Variants in DAB1 observed in about 807,000 individuals in gnomAD.
The protein encoded by DAB1 is DAB adaptor protein 1.
In DAB1, 15 loss-of-function variants were observed where a neutral mutation model predicts 64.6. The observed-to-expected ratio is 0.23, with a 90% CI of 0.16 to 0.36. The LOEUF (loss-of-function observed/expected upper bound fraction) is 0.36. Among genes scored for constraint, DAB1 ranks in the 10% least tolerant of loss-of-function variants. The probability of loss-of-function intolerance (pLI) is 1.00; values close to 1 mark genes in which losing one functional copy is unlikely to be tolerated. For missense variants in DAB1, 596 were observed against 706.7 expected (o/e 0.84, Z 1.78); for synonymous variants, 235 against 251.9 (o/e 0.93, Z 0.64).
intron 7 of DAB1, among the ~76,000 whole-genome samples, chr1:57,498,680 A>C (rs1644256493): frequency 6.6e-6 from 1 of 152,202 alleles, no homozygotes; most frequent in East Asian, 1.9e-4. Flanking sequence ...CACGATTTGT[A>C]ATGAGGATAG....
intron 7 of DAB1, among the ~76,000 whole-genome samples, chr1:57,488,879 G>T (rs1179089551): frequency 6.6e-6 from 1 of 152,086 alleles, no homozygotes; most frequent in Non-Finnish European, 1.5e-5. Context: ...AAGTGTAAAG[G>T]TAAGAAATAT....
chr1:58,332,464 G>A (rs920859804), intron 4 of DAB1, among the ~76,000 whole-genome samples: 2 of 152,034 alleles, frequency 1.3e-5, no homozygotes, highest in Non-Finnish European at 2.9e-5. Flanking sequence ...ACAATTTTTG[G>A]GGTTTCCAGT....
intron 7 of DAB1, among the ~76,000 whole-genome samples, chr1:57,484,646 G>T (rs1229990972): frequency 2.0e-5 from 3 of 152,164 alleles, no homozygotes; most frequent in Non-Finnish European, 4.4e-5. Flanking sequence ...GCAGTCTGGA[G>T]CTTAGAATGA....
chr1:57,012,215 T>C (rs1357039823), intron 12 of DAB1, among the ~76,000 whole-genome samples: 4 of 152,216 alleles, frequency 2.6e-5, no homozygotes, highest in Admixed American at 6.5e-5. Context: ...CAGTGAATGA[T>C]TGTAAAACTT....
At chr1:57,705,827 A>T (rs1279576678) in intron 6 of DAB1, among the ~76,000 whole-genome samples, 1 of 151,166 alleles carries the variant, frequency 6.6e-6, no homozygotes, top group African/African-American at 2.4e-5. Context: ...TTTAACACAT[A>T]GTACTTAATA....
At chr1:58,221,803 A>T (rs1659185092) in intron 4 of DAB1, among the ~76,000 whole-genome samples, 1 of 152,106 alleles carries the variant, frequency 6.6e-6, no homozygotes, top group African/African-American at 2.4e-5. Context: ...TGGAGACTGC[A>T]CCTCTCTGGG....
intron 2 of DAB1, among the ~76,000 whole-genome samples, chr1:57,203,869 T>C (rs908069800): frequency 4.6e-5 from 7 of 152,132 alleles, no homozygotes; most frequent in Non-Finnish European, 1.0e-4. Flanking sequence ...AACCTCTTCT[T>C]AGTGTAGTGT....
At chr1:57,812,738 A>G (rs1178171742) in intron 6 of DAB1, among the ~76,000 whole-genome samples, 1 of 152,220 alleles carries the variant, frequency 6.6e-6, no homozygotes, top group East Asian at 1.9e-4. Flanking sequence ...AATATTTTCT[A>G]ATTCTTTACA....
At chr1:57,167,492 G>A (rs1282424979) in intron 2 of DAB1, among the ~76,000 whole-genome samples, 1 of 152,022 alleles carries the variant, frequency 6.6e-6, no homozygotes, top group East Asian at 1.9e-4. Context: ...ATTCTCTTGT[G>A]GTGTGTCCAG....
Position 58,193,341 on chromosome 1 carries a change from G to A in DAB1, n.310-42753C>T, listed in dbSNP as rs565605878. 9.9e-5 allele frequency among the ~76,000 whole-genome samples: 15 copies of A among 152,272 alleles called. No individual in the cohort carries two copies. In the South Asian group the frequency reaches 3.1e-3, roughly 32 times the overall value. On this transcript the variant is annotated intron_variant and non_coding_transcript_variant, in intron 4 of 20. Coordinates refer to the DAB1 transcript ENST00000485760. ...AAGCAGCCTGTGGCCCTCACCTGAAGCAGATGCCAGTGCCATGATTATTGT... is the reference window on the plus strand; with the variant it reads ...AAGCAGCCTGTGGCCCTCACCTGAAACAGATGCCAGTGCCATGATTATTGT...
chr1:57,469,692 A>G (rs1687075012), intron 7 of DAB1, among the ~76,000 whole-genome samples: 1 of 152,202 alleles, frequency 6.6e-6, no homozygotes, highest in African/African-American at 2.4e-5. Context: ...CCTAGATTGA[A>G]TTATAATTCC....
chr1:57,571,708 G>A (rs1328906472), intron 7 of DAB1, among the ~76,000 whole-genome samples: 1 of 152,212 alleles, frequency 6.6e-6, no homozygotes, highest in Non-Finnish European at 1.5e-5. Flanking sequence ...CTGATTACAA[G>A]TATTGGGCAA....
At chr1:57,808,957 C>T (rs1651493729) in intron 6 of DAB1, among the ~76,000 whole-genome samples, 1 of 152,126 alleles carries the variant, frequency 6.6e-6, no homozygotes, top group Non-Finnish European at 1.5e-5. Context: ...CATAATGGAA[C>T]ATAGTGTTCT....
intron 5 of DAB1, among the ~76,000 whole-genome samples, chr1:57,897,294 A>T (rs1191463187): frequency 6.6e-6 from 1 of 152,174 alleles, no homozygotes; most frequent in East Asian, 1.9e-4. Flanking sequence ...CCCATGGGAA[A>T]ATGTTTAATT....
chr1:57,466,420 A>C (rs1306151999), intron 7 of DAB1, among the ~76,000 whole-genome samples: 1 of 152,170 alleles, frequency 6.6e-6, no homozygotes, highest in African/African-American at 2.4e-5. Context: ...TCTAAATTCA[A>C]ATGATTGTTC....
At chr1:57,226,561 A>G (rs936184979) in intron 2 of DAB1, among the ~76,000 whole-genome samples, 4 of 151,808 alleles carry the variant, frequency 2.6e-5, no homozygotes, top group Non-Finnish European at 5.9e-5. Context: ...TTGCATCTTC[A>G]GTATTTTCTA....
At chr1:57,339,474 T>C (rs1045729502) in intron 1 of DAB1, among the ~76,000 whole-genome samples, 33 of 152,344 alleles carry the variant, frequency 2.2e-4, no homozygotes, top group African/African-American at 7.7e-4. Context: ...CTTTAAACGT[T>C]TAATACATTG....
At chr1:57,988,570 A>G (rs1353208122) in intron 5 of DAB1, among the ~76,000 whole-genome samples, 1 of 152,194 alleles carries the variant, frequency 6.6e-6, no homozygotes, top group African/African-American at 2.4e-5. Context: ...TCTTTTCTGC[A>G]CAAACTTCAT....
intron 4 of DAB1, among the ~76,000 whole-genome samples, chr1:57,113,607 T>G (rs759632894): frequency 1.2e-4 from 19 of 152,224 alleles, no homozygotes; most frequent in Non-Finnish European, 2.6e-4. Flanking sequence ...TTATGGACAT[T>G]GAAATTTGAA....
Sources: gnomAD v4.1 joint callset for allele counts (sites outside exome capture counted in the v4.1 genomes callset) on GRCh38, gnomAD v4.1.1 for gene constraint, MANE v1.5 for transcripts, NCBI Gene and HGNC (gene_info 2026-07-23, HGNC 2026-07-21) for gene names.